SNAPC3: variants seen among roughly 807,000 people sequenced by gnomAD.
SNAPC3 encodes snRNA-activating protein complex subunit 3.
SNAPC3 carries 56 observed loss-of-function variants against 47.7 expected under a neutral mutation model. The ratio of observed to expected loss-of-function variants is 1.18; its 90% CI spans 0.95 to 1.47. The LOEUF (loss-of-function observed/expected upper bound fraction) is 1.47, where lower values mean the gene tolerates loss of function less well. Ranked by LOEUF, SNAPC3 falls within the 40% of genes most tolerant of loss-of-function variation. The pLI, the probability that SNAPC3 is intolerant of heterozygous loss-of-function variation, is 0.00. For missense variants in SNAPC3, 665 were observed against 511.3 expected (o/e 1.30, Z -2.90); for synonymous variants, 235 against 189.9 (o/e 1.24, Z -1.95).
intron 8 of SNAPC3, 76 bp from the exon 9 acceptor site, chr9:15,459,643 T>C (rs1246266573): frequency 1.8e-6 from 2 of 1,111,046 alleles, no homozygotes; most frequent in African/African-American, 3.1e-5. Context: ...TATTTACATA[T>C]TGCTACAGGT....
At chr9:15,430,343 G>A (rs1454330016) in intron 2 of SNAPC3, among the ~76,000 whole-genome samples, 1 of 152,042 alleles carries the variant, frequency 6.6e-6, no homozygotes, top group East Asian at 1.9e-4. Flanking sequence ...AGGGTGGAAG[G>A]ATCACTTGAG....
chr9:15,427,160 T>G (rs2031515888), intron 2 of SNAPC3, among the ~76,000 whole-genome samples: 1 of 152,226 alleles, frequency 6.6e-6, no homozygotes, highest in Admixed American at 6.5e-5. Context: ...TAGATATTGA[T>G]TCTTCCTTGA....
At chr9:15,433,336 A>G (rs1277622801) in intron 2 of SNAPC3, among the ~76,000 whole-genome samples, 1 of 152,060 alleles carries the variant, frequency 6.6e-6, no homozygotes, top group African/African-American at 2.4e-5. Flanking sequence ...AGCTAATAAT[A>G]TTGTGTAAGA....
chr9:15,423,300 C>G, intron 1 of SNAPC3, 107 bp downstream of exon 1: 1 of 1,177,104 alleles, frequency 8.5e-7, no homozygotes, highest in Non-Finnish European at 1.2e-6. Flanking sequence ...TGGTTTAGAC[C>G]TGGGCTAGGA....
intron 2 of SNAPC3, among the ~76,000 whole-genome samples, chr9:15,430,815 C>G (rs1177125472): frequency 6.6e-6 from 1 of 152,112 alleles, no homozygotes; most frequent in Non-Finnish European, 1.5e-5. Flanking sequence ...AGGATTAATT[C>G]AGAGTAATTT....
intron 8 of SNAPC3, among the ~76,000 whole-genome samples, chr9:15,458,591 T>C (rs997356277): frequency 1.3e-5 from 2 of 152,198 alleles, no homozygotes; most frequent in African/African-American, 4.8e-5. Context: ...AGTTAAAATA[T>C]AGTTTTATAA....
At chr9:15,426,664 T>C (rs2031442936) in intron 2 of SNAPC3, among the ~76,000 whole-genome samples, 1 of 152,240 alleles carries the variant, frequency 6.6e-6, no homozygotes, top group Admixed American at 6.5e-5. Flanking sequence ...AATGTATTCA[T>C]TGATTTATAG....
At chr9:15,430,108 G>A (rs2031942254) in intron 2 of SNAPC3, among the ~76,000 whole-genome samples, 1 of 152,188 alleles carries the variant, frequency 6.6e-6, no homozygotes, top group Non-Finnish European at 1.5e-5. Flanking sequence ...AGGTCACAAA[G>A]GAAACATCAA....
At chr9:15,433,115 C>G (rs2032374069) in intron 2 of SNAPC3, among the ~76,000 whole-genome samples, 1 of 151,918 alleles carries the variant, frequency 6.6e-6, no homozygotes, top group Admixed American at 6.6e-5. Flanking sequence ...CGGTCAAACC[C>G]AAATTGAAGG....
Position 15,460,659 on chromosome 9 carries a change from G to C in SNAPC3, c.*793G>C, listed in dbSNP as rs1225529067. On this transcript the variant is annotated 3_prime_UTR_variant, in exon 9 of 9. Transcript: ENST00000380821. ...ACCCGCCTAAGCCTCCCAAAATTTTGGGATCACAGGCGTGAGCCACCGCGC... is the reference window on the plus strand; with the variant it reads ...ACCCGCCTAAGCCTCCCAAAATTTTCGGATCACAGGCGTGAGCCACCGCGC... 6.6e-6 allele frequency: 1 copy of C among 152,294 alleles called. No individual in the cohort carries two copies. Among genetic ancestry groups the C allele is most frequent in the Non-Finnish European group, 1.5e-5 (1 of 68,090 alleles). 9.4% of individuals were successfully genotyped at this position (152,294 alleles called of 1,614,324 possible).
At chr9:15,434,315 C>G (rs375077531) in intron 3 of SNAPC3, among the ~76,000 whole-genome samples, 110 of 152,236 alleles carry the variant, frequency 7.2e-4, no homozygotes, top group African/African-American at 2.3e-3. Flanking sequence ...TCCTGCAGCC[C>G]CTGCTAACCT....
chr9:15,430,992 A>C (rs180688061), intron 2 of SNAPC3, among the ~76,000 whole-genome samples: 5 of 152,294 alleles, frequency 3.3e-5, no homozygotes, highest in African/African-American at 7.2e-5. Context: ...TCTTTTGCCA[A>C]CTAGCACATC....
In SNAPC3 at chr9:15,423,943, G is replaced by T. The variant is rs1435451497; in HGVS notation, c.349G>T (p.Asp117Tyr). ...ACTGAAATGCCTTGAGGACGGTGAG[G>T]ATCCAGAAGTCATTCCGGAGAATAC... ...DKLKCLEDGE[D>Y]PEVIPENTDL... The change falls in exon 2 of 9, where the codon GAT becomes TAT. Residue 117 changes from aspartate to tyrosine, a missense_variant. Asp to Tyr is a radical substitution (Grantham distance 160, BLOSUM62 -3). Transcript: ENST00000380821. The T allele has an allele frequency of 6.3e-7, 1 of 1,588,872 alleles. No individual in the cohort carries two copies. The highest frequency in any genetic ancestry group is 1.4e-5 in the African/African-American group (1 of 73,640).
intron 2 of SNAPC3, among the ~76,000 whole-genome samples, chr9:15,427,867 A>T (rs941396901): frequency 2.0e-5 from 3 of 152,244 alleles, no homozygotes; most frequent in Non-Finnish European, 2.9e-5. Context: ...ATGATTTTTT[A>T]AAAAAACTTA....
At chr9:15,451,680 G>A (rs1046681600) in intron 6 of SNAPC3, among the ~76,000 whole-genome samples, 1 of 151,820 alleles carries the variant, frequency 6.6e-6, no homozygotes, top group Non-Finnish European at 1.5e-5. Flanking sequence ...TTCCAGCCTG[G>A]GTAATATAGC....
downstream of SNAPC3, chr9:15,465,114 T>A: frequency 4.3e-6 from 1 of 232,156 alleles, no homozygotes; most frequent in Non-Finnish European, 8.5e-6. Flanking sequence ...GACAGTCTGG[T>A]AAATCCAAGG....
Position 15,423,013 on chromosome 9 carries a change from G to C in SNAPC3, c.134G>C (p.Gly45Ala). The C allele has an allele frequency of 6.5e-7, 1 of 1,545,914 alleles. No homozygotes were observed. Among genetic ancestry groups the C allele is most frequent in the Non-Finnish European group, 8.7e-7 (1 of 1,153,002 alleles). Residue 45 changes from glycine (G) to alanine (A), a missense_variant, in exon 1 of 9, where the codon GGC becomes GCC. Coordinates refer to ENST00000380821, the MANE Select transcript of SNAPC3 (RefSeq NM_001039697.2). ...PELNTRAFHV[G>A]AFGELWRGRL... ...CTAAATACGCGCGCTTTCCATGTGG[G>C]CGCCTTTGGGGAGCTGTGGCGGGGC...
chr9:15,425,713 G>C (rs2131728272), intron 2 of SNAPC3, among the ~76,000 whole-genome samples: 1 of 152,292 alleles, frequency 6.6e-6, no homozygotes, highest in Non-Finnish European at 1.5e-5. Context: ...TTGGTGCTCT[G>C]TAACTATTGT....
intron 2 of SNAPC3, among the ~76,000 whole-genome samples, chr9:15,429,194 G>GT (rs140696854): frequency 0.045 from 6,829 of 151,478 alleles, 513 homozygotes; most frequent in African/African-American, 0.16. Flanking sequence ...ATAGAGCAGT[G>GT]TTTTTTTTTA....
Sources: gnomAD v4.1 joint callset for allele counts (sites outside exome capture counted in the v4.1 genomes callset) on GRCh38, gnomAD v4.1.1 for gene constraint, MANE v1.5 for transcripts, NCBI Gene and HGNC (gene_info 2026-07-23, HGNC 2026-07-21) for gene names.